The following TAF3 variants were observed in gnomAD, a reference collection of about 807,000 sequenced individuals.
TAF3 encodes transcription initiation factor TFIID subunit 3.
In TAF3, 7 loss-of-function variants were observed where a neutral mutation model predicts 80.6. The observed-to-expected ratio is 0.09, with a 90% confidence interval of 0.05 to 0.16. The LOEUF (loss-of-function observed/expected upper bound fraction) is 0.16. Ranked by LOEUF, TAF3 falls within the 10% of genes least tolerant of loss-of-function variation. TAF3 has a pLI of 1.00. For synonymous variants in TAF3, 444 were observed against 446.1 expected, an observed-to-expected ratio of 1.00 and a Z score of 0.06; for missense variants, 921 against 1,140.2, an observed-to-expected ratio of 0.81 and a Z score of 2.77.
intron 2 of TAF3, among the ~76,000 whole-genome samples, chr10:7,855,807 C>T (rs978531404): frequency 1.3e-5 from 2 of 151,920 alleles, no homozygotes; most frequent in Non-Finnish European, 2.9e-5. Flanking sequence ...TTACACTGGG[C>T]GTGGTGGCTC....
chr10:7,925,630 C>T (rs1837806919), intron 2 of TAF3, among the ~76,000 whole-genome samples: 1 of 151,248 alleles, frequency 6.6e-6, no homozygotes, highest in South Asian at 2.1e-4. Context: ...ATGGTGAAAC[C>T]CCGTTGCTAC....
intron 2 of TAF3, among the ~76,000 whole-genome samples, chr10:7,880,301 A>C (rs1256216258): frequency 1.3e-5 from 2 of 152,214 alleles, no homozygotes; most frequent in Non-Finnish European, 2.9e-5. Context: ...AATAACTTTG[A>C]TTTATCAGAG....
At chr10:7,909,962 C>T (rs1837641498) in intron 2 of TAF3, among the ~76,000 whole-genome samples, 1 of 152,190 alleles carries the variant, frequency 6.6e-6, no homozygotes, top group Non-Finnish European at 1.5e-5. Context: ...ATAACCTATG[C>T]ATATCCTCCT....
chr10:7,842,615 A>C (rs1836929633), intron 2 of TAF3, among the ~76,000 whole-genome samples: 1 of 152,194 alleles, frequency 6.6e-6, no homozygotes, highest in Non-Finnish European at 1.5e-5. Flanking sequence ...CCTAATGGTC[A>C]CTATTGTCAT....
intron 3 of TAF3, among the ~76,000 whole-genome samples, chr10:7,968,672 T>G (rs967326982): frequency 4.6e-5 from 7 of 152,200 alleles, no homozygotes; most frequent in African/African-American, 1.7e-4. Flanking sequence ...CACTTTAAGA[T>G]GAGAAACTAA....
chr10:8,007,441 G>A (rs1320927656), intron 4 of TAF3, among the ~76,000 whole-genome samples: 1 of 151,228 alleles, frequency 6.6e-6, no homozygotes, highest in Non-Finnish European at 1.5e-5. Context: ...CCTGTCTTAG[G>A]GCAGTGGTTG....
At chr10:7,941,785 T>G (rs1176988768) in intron 2 of TAF3, among the ~76,000 whole-genome samples, 1 of 152,170 alleles carries the variant, frequency 6.6e-6, no homozygotes, top group East Asian at 1.9e-4. Context: ...TAGCTGGGTT[T>G]TTACACTCGT....
At chr10:7,865,717 G>A (rs549889308) in intron 2 of TAF3, among the ~76,000 whole-genome samples, 12 of 152,296 alleles carry the variant, frequency 7.9e-5, no homozygotes, top group Admixed American at 7.2e-4. Context: ...AAAATAGAAA[G>A]TTGCTTAGTA....
intron 1 of TAF3, among the ~76,000 whole-genome samples, chr10:7,821,042 C>T (rs1399452265): frequency 6.6e-6 from 1 of 152,104 alleles, no homozygotes; most frequent in Admixed American, 6.5e-5. Context: ...CCTTTACTGC[C>T]ATTTATACAA....
At chr10:7,843,565 C>T (rs941011705) in intron 2 of TAF3, among the ~76,000 whole-genome samples, 1 of 151,244 alleles carries the variant, frequency 6.6e-6, no homozygotes, top group African/African-American at 2.4e-5. Flanking sequence ...TGTAGTTATT[C>T]GTATCTAGTT....
chr10:7,845,959 GTT>G (rs34163537), intron 2 of TAF3, among the ~76,000 whole-genome samples: 20,464 of 130,426 alleles, frequency 0.16, 1,115 homozygotes, highest in East Asian at 0.2. Context: ...GTGTGTTTTT[GTT>G]TTTTTTTTTT....
At chr10:7,905,981 T>C (rs1837605519) in intron 2 of TAF3, among the ~76,000 whole-genome samples, 1 of 152,208 alleles carries the variant, frequency 6.6e-6, no homozygotes, top group Admixed American at 6.5e-5. Flanking sequence ...TATTCAAAAG[T>C]TTGTTGGCAA....
intron 2 of TAF3, among the ~76,000 whole-genome samples, chr10:7,931,744 A>AT (rs1221018395): frequency 2.0e-5 from 3 of 152,218 alleles, no homozygotes; most frequent in African/African-American, 7.2e-5. Flanking sequence ...ACAAGTATTA[A>AT]TACTGAGTGC....
chr10:7,829,570 T>C (rs1244610212), intron 2 of TAF3, among the ~76,000 whole-genome samples: 1 of 152,196 alleles, frequency 6.6e-6, no homozygotes, highest in Non-Finnish European at 1.5e-5. Flanking sequence ...TTCCTCATGA[T>C]TAGACTGGGG....
intron 2 of TAF3, among the ~76,000 whole-genome samples, chr10:7,963,647 C>T (rs984986419): frequency 2.0e-5 from 3 of 151,918 alleles, no homozygotes; most frequent in East Asian, 1.9e-4. Flanking sequence ...CATCACACAT[C>T]GGCACCTGTT....
chr10:7,955,599 T>C (rs1198015619), intron 2 of TAF3, among the ~76,000 whole-genome samples: 1 of 152,254 alleles, frequency 6.6e-6, no homozygotes, highest in African/African-American at 2.4e-5. Flanking sequence ...AATTTCCCTT[T>C]ATTTCCTAAT....
intron 5 of TAF3, among the ~76,000 whole-genome samples, chr10:8,011,178 T>C (rs1244887435): frequency 6.6e-6 from 1 of 152,250 alleles, no homozygotes; most frequent in Non-Finnish European, 1.5e-5. Flanking sequence ...TAGGTACTAA[T>C]ATGATTGGAA....
intron 2 of TAF3, among the ~76,000 whole-genome samples, chr10:7,852,855 G>A (rs371858693): frequency 1.3e-5 from 2 of 152,330 alleles, no homozygotes; most frequent in South Asian, 2.1e-4. Context: ...AAAGCTGGAT[G>A]AATGCTTGAT....
rs1369058026 is a variant in TAF3, at chr10:7,945,299, C to T, written c.410-18621C>T. On this transcript the variant is annotated intron_variant, in intron 2 of 6. Transcript: ENST00000344293. ...TGCCATTTCACAGAATAACTGATTT[C>T]CTATTGGGTGTGGTTGTTTTAAATC... is the stretch of plus-strand genomic sequence containing the variant. Among the ~76,000 whole-genome samples, 3 of 152,046 alleles carry T rather than the reference C, an allele frequency of 2.0e-5. No homozygotes were observed. The East Asian group carries it at 5.8e-4, about 29-fold the overall frequency.
Sources: gnomAD v4.1 joint callset for allele counts (sites outside exome capture counted in the v4.1 genomes callset) on GRCh38, gnomAD v4.1.1 for gene constraint, MANE v1.5 for transcripts, NCBI Gene and HGNC (gene_info 2026-07-23, HGNC 2026-07-21) for gene names.